The following PIP5K1A variants were observed in gnomAD, a reference collection of about 807,000 sequenced individuals.
The protein encoded by PIP5K1A is phosphatidylinositol 4-phosphate 5-kinase type-1 alpha.
In PIP5K1A, 46 loss-of-function variants were observed where a neutral mutation model predicts 72.9. The ratio of observed to expected loss-of-function variants is 0.63; its 90% confidence interval spans 0.50 to 0.81. The LOEUF is 0.81. Ranked by LOEUF, PIP5K1A falls within the 30% of genes least tolerant of loss-of-function variation. The probability of loss-of-function intolerance (pLI) is 0.00; values close to 1 mark genes in which losing one functional copy is unlikely to be tolerated. For synonymous variants in PIP5K1A, 228 were observed against 255.1 expected (o/e 0.89, Z 1.01); for missense variants, 458 against 706.1 (o/e 0.65, Z 3.98).
chr1:151,235,991 C>T (rs1690787173), intron 8 of PIP5K1A, among the ~76,000 whole-genome samples: 1 of 151,742 alleles, frequency 6.6e-6, no homozygotes, highest in African/African-American at 2.4e-5. Flanking sequence ...TGTGGTGGCA[C>T]GTGCCTGTAA....
rs754274878 is a variant in PIP5K1A, at chr1:151,242,419, TTC to T, written c.1511-15_1511-14del. 23 of 1,613,726 alleles carry T rather than the reference TTC, an allele frequency of 1.4e-5. No individual in the cohort carries two copies. The highest frequency in any genetic ancestry group is 5.3e-5 in the African/African-American group (4 of 74,856). ...TTCCTTGTATTTACTGTACCCCATC[TTC>T]TCTATCTTTTTTCCAGGCGTTCACC... On this transcript the variant is annotated splice_polypyrimidine_tract_variant and intron_variant, in intron 13 of 15. Transcript: ENST00000368888.
intron 1 of PIP5K1A, among the ~76,000 whole-genome samples, chr1:151,207,312 C>CT (rs1686076643): frequency 6.6e-6 from 1 of 152,168 alleles, no homozygotes; most frequent in African/African-American, 2.4e-5. Context: ...AAACCCAAGT[C>CT]TTTTAAGGAA....
intron 14 of PIP5K1A, among the ~76,000 whole-genome samples, chr1:151,246,013 G>A (rs920235595): frequency 1.3e-5 from 2 of 152,112 alleles, no homozygotes; most frequent in African/African-American, 2.4e-5. Context: ...TTGGGAGGCC[G>A]AGGAGGGCGG....
chr1:151,235,546 G>C (rs915321293), intron 8 of PIP5K1A, among the ~76,000 whole-genome samples: 5 of 152,200 alleles, frequency 3.3e-5, no homozygotes, highest in Non-Finnish European at 7.3e-5. Context: ...TCTCTGTAAG[G>C]AGGCACAGTG....
intron 1 of PIP5K1A, among the ~76,000 whole-genome samples, chr1:151,219,732 G>T (rs374695161): frequency 4.6e-5 from 7 of 151,940 alleles, no homozygotes; most frequent in Admixed American, 3.3e-4. Context: ...GGCCTTGTGC[G>T]GTGGCTCATG....
At chr1:151,240,707 C>T (rs914486178) in intron 12 of PIP5K1A, among the ~76,000 whole-genome samples, 26 of 152,224 alleles carry the variant, frequency 1.7e-4, no homozygotes, top group African/African-American at 6.0e-4. Context: ...GCAGGAGGAT[C>T]GGTTAAGCCC....
At chr1:151,231,620 T>TA (rs1558280415) in intron 4 of PIP5K1A, 51 bp from the exon 5 acceptor site, 2 of 1,554,602 alleles carry the variant, frequency 1.3e-6, no homozygotes, top group Admixed American at 1.7e-5. Flanking sequence ...TTTTTATTGT[T>TA]ATGATCCTAC....
intron 1 of PIP5K1A, 42 bp downstream of exon 1, chr1:151,199,123 T>C: frequency 6.2e-7 from 1 of 1,613,450 alleles, no homozygotes; most frequent in Non-Finnish European, 8.5e-7. Flanking sequence ...GTGAGGAATA[T>C]GCGATGGGAG....
At chr1:151,204,155 G>A (rs1163002131) in intron 1 of PIP5K1A, among the ~76,000 whole-genome samples, 1 of 152,078 alleles carries the variant, frequency 6.6e-6, no homozygotes, top group Non-Finnish European at 1.5e-5. Context: ...GTTAACTCCA[G>A]TAGTAGGGAT....
chr1:151,244,192 A>G (rs935720645), intron 14 of PIP5K1A, among the ~76,000 whole-genome samples: 4 of 146,740 alleles, frequency 2.7e-5, no homozygotes, highest in Non-Finnish European at 6.1e-5. Context: ...AAAAAAAAAA[A>G]AAGTCGTGAA....
At chr1:151,224,156 G>A (rs1455278684) in intron 1 of PIP5K1A, 89 bp from the exon 2 acceptor site, 2 of 1,194,520 alleles carry the variant, frequency 1.7e-6, no homozygotes, top group Admixed American at 1.7e-5. Context: ...CTTATGTTTA[G>A]TTTGACTCAA....
intron 14 of PIP5K1A, among the ~76,000 whole-genome samples, chr1:151,246,453 G>T (rs1313012216): frequency 6.6e-6 from 1 of 152,020 alleles, no homozygotes; most frequent in African/African-American, 2.4e-5. Flanking sequence ...ATAGGAGCTG[G>T]CTTTCCTCAG....
At chr1:151,220,761 C>G (rs1169299371) in intron 1 of PIP5K1A, among the ~76,000 whole-genome samples, 2 of 152,242 alleles carry the variant, frequency 1.3e-5, no homozygotes, top group Non-Finnish European at 2.9e-5. Flanking sequence ...GCCACTTTAC[C>G]TGGCCTATCA....
chr1:151,231,525 T>A (rs1690071227), intron 4 of PIP5K1A, 146 bp from the exon 5 acceptor site: 1 of 676,972 alleles, frequency 1.5e-6, no homozygotes, highest in East Asian at 2.8e-5. Flanking sequence ...ATGGGGAAAC[T>A]GGATTGTCCC....
At chr1:151,196,205 C>T (rs192743920), upstream of PIP5K1A, among the ~76,000 whole-genome samples, 27 of 152,126 alleles carry the variant, frequency 1.8e-4, 1 homozygote, top group African/African-American at 5.3e-4. Flanking sequence ...CTACACTATC[C>T]GATTTCTAAA....
chr1:151,244,603 C>G (rs756984868), intron 14 of PIP5K1A, among the ~76,000 whole-genome samples: 37 of 152,188 alleles, frequency 2.4e-4, no homozygotes, highest in Non-Finnish European at 5.0e-4. Context: ...TTGCAGTGAG[C>G]CGAAATCGCG....
At chr1:151,214,531 C>G (rs898820487) in intron 1 of PIP5K1A, among the ~76,000 whole-genome samples, 6 of 152,026 alleles carry the variant, frequency 3.9e-5, no homozygotes, top group Non-Finnish European at 7.3e-5. Flanking sequence ...CAGGTGATCG[C>G]CACCATGTCC....
intron 1 of PIP5K1A, chr1:151,199,328 G>A (rs1684871064): frequency 2.9e-6 from 2 of 679,602 alleles, no homozygotes; most frequent in Non-Finnish European, 4.7e-6. Context: ...GTGGGGGTAG[G>A]GTGGCCCGGC....
intron 1 of PIP5K1A, among the ~76,000 whole-genome samples, chr1:151,203,837 GA>G (rs1273143281): frequency 8.7e-5 from 13 of 149,444 alleles, no homozygotes; most frequent in Admixed American, 6.0e-4. Context: ...AAAAAAAAAA[GA>G]AAAAAGAAAA....
Sources: gnomAD v4.1 joint callset for allele counts (sites outside exome capture counted in the v4.1 genomes callset) on GRCh38, gnomAD v4.1.1 for gene constraint, MANE v1.5 for transcripts, NCBI Gene and HGNC (gene_info 2026-07-23, HGNC 2026-07-21) for gene names.